Variants in CADPS observed in about 807,000 individuals in gnomAD.
CADPS encodes the protein calcium dependent secretion activator.
CADPS carries 57 observed loss-of-function variants against 167.3 expected under a neutral mutation model. That is an observed-to-expected ratio of 0.34 (90% CI 0.28 to 0.42). CADPS has a LOEUF of 0.42. CADPS is among the 20% of genes least tolerant of loss of function. CADPS has a pLI of 1.00. For synonymous variants in CADPS, 676 were observed against 635.3 expected (o/e 1.06, Z -0.96); for missense variants, 1,414 against 1,738.1 (o/e 0.81, Z 3.32).
intron 1 of CADPS, among the ~76,000 whole-genome samples, chr3:62,873,087 G>C (rs1353731848): frequency 6.6e-6 from 1 of 152,170 alleles, no homozygotes; most frequent in Non-Finnish European, 1.5e-5. Context: ...AAAACAAGGG[G>C]CCACAGATAA....
chr3:62,475,568 G>A (rs1420684531), intron 23 of CADPS, among the ~76,000 whole-genome samples: 1 of 120,236 alleles, frequency 8.3e-6, no homozygotes, highest in Non-Finnish European at 1.6e-5. Flanking sequence ...TCTAAGGTTG[G>A]GAGCCCAGTT....
At chr3:62,622,774 A>T (rs2149501448) in intron 6 of CADPS, among the ~76,000 whole-genome samples, 1 of 152,298 alleles carries the variant, frequency 6.6e-6, no homozygotes, top group East Asian at 1.9e-4. Context: ...ACTAGATGGC[A>T]ATCCCAGGCT....
intron 6 of CADPS, among the ~76,000 whole-genome samples, chr3:62,613,066 A>G (rs1296117118): frequency 1.3e-5 from 2 of 152,192 alleles, no homozygotes; most frequent in African/African-American, 4.8e-5. Context: ...TGGGGTAATC[A>G]GGGGACATCC....
intron 1 of CADPS, among the ~76,000 whole-genome samples, chr3:62,790,887 A>G (rs1035143453): frequency 6.6e-6 from 1 of 152,090 alleles, no homozygotes; most frequent in African/African-American, 2.4e-5. Context: ...GAGTCTAATT[A>G]GAATATTTTC....
At chr3:62,761,235 T>G (rs2085329321) in intron 2 of CADPS, among the ~76,000 whole-genome samples, 1 of 152,012 alleles carries the variant, frequency 6.6e-6, no homozygotes, top group African/African-American at 2.4e-5. Flanking sequence ...CTGCTGTTGT[T>G]ATGATGATGA....
At chr3:62,491,551 AC>A in intron 20 of CADPS, 71 bp from the exon 21 acceptor site, 2 of 918,902 alleles carry the variant, frequency 2.2e-6, no homozygotes, top group Non-Finnish European at 3.3e-6. Context: ...ACACACACAC[AC>A]ACACAAACAC....
chr3:62,527,049 C>T (rs1469675961), intron 13 of CADPS, among the ~76,000 whole-genome samples: 1 of 152,106 alleles, frequency 6.6e-6, no homozygotes, highest in African/African-American at 2.4e-5. Context: ...TTAAGACTTG[C>T]CAAATGAAAT....
At chr3:62,715,421 T>TA (rs2084319665) in intron 3 of CADPS, among the ~76,000 whole-genome samples, 2 of 147,560 alleles carry the variant, frequency 1.4e-5, no homozygotes, top group South Asian at 2.1e-4. Context: ...AAATATATAT[T>TA]TATATATATT....
intron 7 of CADPS, 137 bp downstream of exon 7, chr3:62,592,500 G>A: frequency 1.6e-6 from 1 of 644,606 alleles, no homozygotes; most frequent in South Asian, 1.9e-5. Context: ...AGCCAATGTA[G>A]AGTGGAGTCC....
chr3:62,624,559 AT>A (rs1475088323), intron 6 of CADPS, among the ~76,000 whole-genome samples: 14 of 151,664 alleles, frequency 9.2e-5, no homozygotes, highest in African/African-American at 2.4e-4. Context: ...AAAAAAAAAA[AT>A]CTCTGGTTAA....
intron 1 of CADPS, among the ~76,000 whole-genome samples, chr3:62,820,857 G>A (rs1316135090): frequency 6.8e-6 from 1 of 147,238 alleles, no homozygotes; most frequent in Non-Finnish European, 1.5e-5. Flanking sequence ...CTGGAGTGCA[G>A]TGGTGCGATC....
intron 20 of CADPS, 75 bp downstream of exon 20, chr3:62,492,215 G>T: frequency 1.6e-6 from 2 of 1,274,584 alleles, no homozygotes; most frequent in Non-Finnish European, 1.1e-6. Context: ...TAGTCTGCTT[G>T]GGATAAAGAC....
chr3:62,602,502 A>G lies in CADPS; in HGVS notation c.1326-9754T>C, dbSNP rs1309586308. Among the ~76,000 whole-genome samples, 1 of 152,118 alleles carries G rather than the reference A, an allele frequency of 6.6e-6. No homozygotes were observed. The highest frequency in any genetic ancestry group is 6.6e-5 in the Admixed American group (1 of 15,264). ...AAGGAAAGTTAATAATTGCCTGGAG[A>G]CAGCTGCATTAAAATCTTGTGGCCT... On this transcript the variant is annotated intron_variant, in intron 6 of 29. Coordinates refer to ENST00000383710, the MANE Select transcript of CADPS (RefSeq NM_003716.4). The surrounding 1 kb of genome is among the most constrained non-coding windows in gnomAD (Gnocchi z 4.4).
In CADPS at chr3:62,471,891, G is replaced by A. The variant is rs1040935743; in HGVS notation, c.3477+2282C>T. On this transcript the variant is annotated intron_variant, in intron 24 of 29. Transcript: ENST00000383710. ...GTTGCAAATCGTATATATGATAATG[G>A]TCAAGTATCCAGAACATATAAAGAA... Among the ~76,000 whole-genome samples the A allele has an allele frequency of 2.2e-4, 33 of 152,084 alleles. 1 individual carries two copies. Among genetic ancestry groups the A allele is most frequent in the Non-Finnish European group, 4.3e-4 (29 of 67,994 alleles).
intron 1 of CADPS, among the ~76,000 whole-genome samples, chr3:62,838,090 A>G (rs1011907936): frequency 6.6e-6 from 1 of 152,138 alleles, no homozygotes; most frequent in African/African-American, 2.4e-5. Flanking sequence ...TGCCATCAGG[A>G]GTGAATTCTG....
intron 28 of CADPS, among the ~76,000 whole-genome samples, chr3:62,436,382 A>C (rs2055049844): frequency 6.6e-6 from 1 of 152,182 alleles, no homozygotes; most frequent in Admixed American, 6.5e-5. Context: ...TCAAAGGAAA[A>C]AGAAAGGCAA....
chr3:62,592,774 T>C (rs1040193171), intron 6 of CADPS, 26 bp from the exon 7 acceptor site: 11 of 1,539,626 alleles, frequency 7.1e-6, no homozygotes, highest in Non-Finnish European at 9.0e-6. Context: ...AAGAGGTCAT[T>C]GTAGACATAT....
intron 18 of CADPS, among the ~76,000 whole-genome samples, chr3:62,498,769 AAAG>A (rs908348641): frequency 3.9e-5 from 6 of 152,062 alleles, no homozygotes; most frequent in African/African-American, 1.4e-4. Context: ...ATAAATTGAG[AAAG>A]AAGGTCTGTG....
chr3:62,759,899 G>A (rs1344557255), intron 2 of CADPS, among the ~76,000 whole-genome samples: 1 of 152,094 alleles, frequency 6.6e-6, no homozygotes, highest in Non-Finnish European at 1.5e-5. Flanking sequence ...GAGGCAAGGT[G>A]CATTTTCATT....
Sources: gnomAD v4.1 joint callset for allele counts (sites outside exome capture counted in the v4.1 genomes callset) on GRCh38, gnomAD v4.1.1 for gene constraint, Gnocchi (gnomAD v3.1) non-coding constraint, MANE v1.5 for transcripts, NCBI Gene and HGNC (gene_info 2026-07-23, HGNC 2026-07-21) for gene names.